Variants in ZNF385C observed in about 807,000 individuals in gnomAD.
ZNF385C encodes the protein zinc finger protein 385C.
Under a neutral mutation model 35.4 loss-of-function variants are expected in ZNF385C, and 28 were observed. The ratio of observed to expected loss-of-function variants is 0.79; its 90% confidence interval spans 0.59 to 1.08. The LOEUF (loss-of-function observed/expected upper bound fraction) is 1.08. Ranked by LOEUF, ZNF385C falls within the 50% of genes least tolerant of loss-of-function variation. The pLI is 0.00. For missense variants in ZNF385C, 605 were observed against 595.6 expected, an observed-to-expected ratio of 1.02 and a Z score of -0.16; for synonymous variants, 248 against 248.2, an observed-to-expected ratio of 1.00 and a Z score of 0.01.
chr17:42,026,558 G>A lies in ZNF385C; in HGVS notation c.*339C>T, dbSNP rs1287385030. 5.6e-6 allele frequency: 2 copies of A among 358,146 alleles called. No homozygotes were observed. The highest frequency in any genetic ancestry group is 1.0e-5 in the Non-Finnish European group (2 of 192,098). 22.2% of individuals were successfully genotyped at this position (358,146 alleles called of 1,614,324 possible). On this transcript the variant is annotated 3_prime_UTR_variant, in exon 9 of 9. Transcript: ENST00000692273. ...TCCCCTGGCTAGGAGAGGATGGCTT[G>A]TAGAAGCTAAGATTCCTAGAGTCTG...
At position 42,035,508 on chromosome 17, in the gene ZNF385C, T is replaced by C. The variant is rs191621073; in HGVS notation, c.400-1173A>G. ...AAGATAAGTCCTATCTCATCAGCTCTATCACTGTCACAGGGCCTGAGGCTG... is the reference window on the plus strand; with the variant it reads ...AAGATAAGTCCTATCTCATCAGCTCCATCACTGTCACAGGGCCTGAGGCTG... On this transcript the variant is annotated intron_variant, in intron 3 of 8. Coordinates refer to ENST00000692273, the MANE Select transcript of ZNF385C (RefSeq NM_001392013.1). 2.7e-4 allele frequency among the ~76,000 whole-genome samples: 40 copies of C among 150,102 alleles called. No individual in the cohort carries two copies. In the East Asian group the frequency reaches 6.5e-3, roughly 24 times the overall value.
At chr17:42,041,256 G>C in intron 2 of ZNF385C, 1 of 1,211,684 alleles carries the variant, frequency 8.3e-7, no homozygotes, top group Non-Finnish European at 1.0e-6. Flanking sequence ...GCGGAGGCAG[G>C]CAGTGCGGGG....
chr17:42,031,461 G>T (rs965366815), intron 5 of ZNF385C, among the ~76,000 whole-genome samples, 158 bp downstream of exon 5: 3 of 152,220 alleles, frequency 2.0e-5, no homozygotes, highest in Non-Finnish European at 4.4e-5. Flanking sequence ...GGTGTGTTCA[G>T]CTTAGGAAAA....
chr17:42,047,470 AC>A (rs1165380663), intron 2 of ZNF385C, among the ~76,000 whole-genome samples: 1 of 151,298 alleles, frequency 6.6e-6, no homozygotes, highest in Non-Finnish European at 1.5e-5. Flanking sequence ...GCCCAATTAG[AC>A]GATCTGAAGC....
intron 1 of ZNF385C, among the ~76,000 whole-genome samples, chr17:42,096,882 A>G (rs1340402346): frequency 2.6e-5 from 4 of 151,228 alleles, no homozygotes; most frequent in African/African-American, 9.7e-5. Context: ...TGGGCAGCCC[A>G]GAGAGGTCCA....
At position 42,026,987 on chromosome 17, in the gene ZNF385C, G is replaced by A. The variant is rs782752328; in HGVS notation, c.1422C>T (p.Phe474=). The A allele has an allele frequency of 1.7e-5, 27 of 1,611,394 alleles. No homozygotes were observed. The highest frequency in any genetic ancestry group is 2.2e-5 in the Non-Finnish European group (26 of 1,178,568). The change falls in exon 9 of 9, where the codon TTC becomes TTT. Residue 474 remains phenylalanine, a synonymous_variant. Coordinates refer to ENST00000692273, the MANE Select transcript of ZNF385C (RefSeq NM_001392013.1). ...RPAPTAATTL[F]PAPILGPALF... ...GAGCTGGGCCCAGGATGGGAGCCGG[G>A]AAGAGGGTAGTGGCTGCTGTAGGGG...
intron 2 of ZNF385C, among the ~76,000 whole-genome samples, chr17:42,057,503 CGCGCGCGCGCGTGTGT>C (rs2053397144): frequency 7.1e-6 from 1 of 141,772 alleles, no homozygotes; most frequent in Non-Finnish European, 1.5e-5. Context: ...GGTGTGCGCG[CGCGCGCGCGCGTGTGT>C]GTGTGTGTGT....
chr17:42,093,900 G>A (rs567827623), intron 1 of ZNF385C, among the ~76,000 whole-genome samples: 1 of 152,010 alleles, frequency 6.6e-6, no homozygotes, highest in Non-Finnish European at 1.5e-5. Context: ...ACTCTCCCTA[G>A]GACGTGATAT....
intron 2 of ZNF385C, chr17:42,039,787 AGCGGG>A (rs2052962159): frequency 8.1e-7 from 1 of 1,232,090 alleles, no homozygotes; most frequent in Non-Finnish European, 1.0e-6. Flanking sequence ...AAACTCGTGC[AGCGGG>A]GGCCCATCCA....
intron 1 of ZNF385C, among the ~76,000 whole-genome samples, chr17:42,087,050 C>T (rs925483954): frequency 4.0e-5 from 6 of 151,830 alleles, no homozygotes; most frequent in African/African-American, 9.7e-5. Flanking sequence ...CTTGAACTCC[C>T]GACCTCAGGT....
chr17:42,096,988 A>C (rs1179513492), intron 1 of ZNF385C, among the ~76,000 whole-genome samples: 7 of 150,412 alleles, frequency 4.7e-5, no homozygotes, highest in East Asian at 3.9e-4. Flanking sequence ...AAAAAAAAAA[A>C]AAAAAACCCT....
intron 4 of ZNF385C, among the ~76,000 whole-genome samples, chr17:42,032,222 G>A (rs555381481): frequency 2.6e-5 from 4 of 152,006 alleles, no homozygotes; most frequent in Admixed American, 6.6e-5. Context: ...CACCACACCC[G>A]GCTAATTTTT....
intron 1 of ZNF385C, among the ~76,000 whole-genome samples, chr17:42,072,058 T>A (rs925733721): frequency 1.3e-5 from 2 of 152,170 alleles, no homozygotes; most frequent in African/African-American, 4.8e-5. Context: ...CCAATGACTG[T>A]GAATGAGGTG....
At chr17:42,080,275 C>T (rs2143925983) in intron 1 of ZNF385C, among the ~76,000 whole-genome samples, 1 of 152,300 alleles carries the variant, frequency 6.6e-6, no homozygotes, top group African/African-American at 2.4e-5. Context: ...GGCCACCTTT[C>T]CTCTTACTTA....
intron 2 of ZNF385C, among the ~76,000 whole-genome samples, chr17:42,056,377 C>G (rs2053376326): frequency 6.6e-6 from 1 of 152,262 alleles, no homozygotes. Flanking sequence ...GGCCATACTC[C>G]TCCCCATTCT....
At chr17:42,057,648 C>A (rs1555657659) in intron 2 of ZNF385C, among the ~76,000 whole-genome samples, 2 of 151,736 alleles carry the variant, frequency 1.3e-5, no homozygotes, top group Non-Finnish European at 2.9e-5. Flanking sequence ...AGATGCATTC[C>A]TGAAGAATGA....
At chr17:42,092,328 G>A (rs1228558942) in intron 1 of ZNF385C, among the ~76,000 whole-genome samples, 1 of 152,124 alleles carries the variant, frequency 6.6e-6, no homozygotes, top group East Asian at 1.9e-4. Context: ...GTGAACCTGG[G>A]AGGGGGAGGT....
At chr17:42,027,808 T>C in intron 7 of ZNF385C, 80 bp from the exon 8 acceptor site, 1 of 1,442,578 alleles carries the variant, frequency 6.9e-7, no homozygotes, top group Non-Finnish European at 9.7e-7. Context: ...CTCTTCCCCT[T>C]CCTCTATCCA....
chr17:42,040,431 C>T (rs995510153), intron 2 of ZNF385C: 268 of 1,231,972 alleles, frequency 2.2e-4, no homozygotes, highest in Middle Eastern at 3.1e-4. Context: ...AGGCCGCAGC[C>T]GCCATCACCA....
Sources: allele counts gnomAD v4.1 joint callset (sites outside exome capture counted in the v4.1 genomes callset), GRCh38; gene constraint gnomAD v4.1.1; transcripts MANE v1.5; gene names NCBI Gene and HGNC (gene_info 2026-07-23, HGNC 2026-07-21).